The following EFCAB11 variants were observed in gnomAD, a reference collection of about 807,000 sequenced individuals.
The protein encoded by EFCAB11 is EF-hand calcium binding domain 11.
A neutral mutation model predicts 23.0 loss-of-function variants in EFCAB11; 14 were observed. The observed-to-expected ratio is 0.61, with a 90% confidence interval of 0.40 to 0.95. The LOEUF is 0.95. EFCAB11 is among the 40% of genes least tolerant of loss of function. EFCAB11 has a pLI of 0.00. For synonymous variants in EFCAB11, 65 were observed against 66.6 expected, an observed-to-expected ratio of 0.98 and a Z score of 0.11; for missense variants, 198 against 195.8, an observed-to-expected ratio of 1.01 and a Z score of -0.07.
At position 89,873,040 on chromosome 14, in the gene EFCAB11, C is replaced by CTAGTAT. The variant is rs766087728; in HGVS notation, c.410+58495_410+58500dup. ...GCCACTGTATTAGTCTGTTCTCACA[C>CTAGTAT]TAGTATTAGTATTAGTATTAGTCTA... On this transcript the variant is annotated intron_variant, in intron 5 of 5. Transcript: ENST00000316738. Among the ~76,000 whole-genome samples, 34 of 152,130 alleles carry CTAGTAT rather than the reference C, an allele frequency of 2.2e-4. No individual in the cohort carries two copies. The East Asian group carries it at 3.1e-3, about 14-fold the overall frequency.
intron 5 of EFCAB11, among the ~76,000 whole-genome samples, chr14:89,849,306 T>A (rs1033170723): frequency 3.3e-5 from 5 of 152,216 alleles, no homozygotes; most frequent in Non-Finnish European, 7.3e-5. Flanking sequence ...AGTTTAGGCA[T>A]CAGCCATGGG....
At chr14:89,889,533 A>C (rs1036624378) in intron 5 of EFCAB11, among the ~76,000 whole-genome samples, 13 of 152,230 alleles carry the variant, frequency 8.5e-5, no homozygotes, top group Non-Finnish European at 1.8e-4. Context: ...ACCTGACTGC[A>C]ATTCTGCTTA....
chr14:89,935,099 G>A (rs185092224), intron 3 of EFCAB11, among the ~76,000 whole-genome samples: 1 of 152,280 alleles, frequency 6.6e-6, no homozygotes, highest in African/African-American at 2.4e-5. Context: ...TCTCCTGTTT[G>A]AATATGTCTC....
chr14:89,929,060 T>TG (rs1890298667), intron 5 of EFCAB11, among the ~76,000 whole-genome samples: 1 of 133,448 alleles, frequency 7.5e-6, no homozygotes, highest in African/African-American at 3.2e-5. Context: ...CACACATATT[T>TG]TTTTTTAGGA....
chr14:89,908,044 C>T (rs1363886904), intron 5 of EFCAB11, among the ~76,000 whole-genome samples: 1 of 152,186 alleles, frequency 6.6e-6, no homozygotes, highest in East Asian at 1.9e-4. Context: ...CTGGAATAGC[C>T]CCCCAGCTGG....
intron 5 of EFCAB11, among the ~76,000 whole-genome samples, chr14:89,912,971 A>G (rs994888808): frequency 6.6e-6 from 1 of 152,240 alleles, no homozygotes; most frequent in African/African-American, 2.4e-5. Context: ...CTGTTACTGT[A>G]TAATTATGGA....
intron 5 of EFCAB11, among the ~76,000 whole-genome samples, chr14:89,859,969 G>A (rs944870590): frequency 2.0e-5 from 3 of 152,166 alleles, no homozygotes; most frequent in Non-Finnish European, 4.4e-5. Context: ...TCTAGATGTT[G>A]ATCTCCTCAC....
At chr14:89,863,838 C>A (rs565336993) in intron 5 of EFCAB11, among the ~76,000 whole-genome samples, 1 of 152,200 alleles carries the variant, frequency 6.6e-6, no homozygotes, top group Non-Finnish European at 1.5e-5. Context: ...TTCAATACAG[C>A]CTGTACTAAC....
At chr14:89,858,887 G>A (rs1249686700) in intron 5 of EFCAB11, among the ~76,000 whole-genome samples, 3 of 152,052 alleles carry the variant, frequency 2.0e-5, no homozygotes, top group African/African-American at 7.2e-5. Context: ...ATAAGAGTGG[G>A]TGGTGTGGCA....
At chr14:89,915,138 T>C (rs1313217207) in intron 5 of EFCAB11, among the ~76,000 whole-genome samples, 1 of 152,218 alleles carries the variant, frequency 6.6e-6, no homozygotes, top group African/African-American at 2.4e-5. Flanking sequence ...CACATTATTA[T>C]CATTTGCTCC....
At chr14:89,950,650 T>C (rs1446102555) in intron 2 of EFCAB11, among the ~76,000 whole-genome samples, 1 of 152,178 alleles carries the variant, frequency 6.6e-6, no homozygotes, top group Non-Finnish European at 1.5e-5. Context: ...TTTTCCCCTA[T>C]GCATCTTTAA....
chr14:89,808,402 C>A (rs1886043534), intron 5 of EFCAB11, among the ~76,000 whole-genome samples: 1 of 152,020 alleles, frequency 6.6e-6, no homozygotes, highest in Non-Finnish European at 1.5e-5. Context: ...CTTTAAAATT[C>A]TGTGAAGATA....
chr14:89,941,341 T>A (rs1042315641), intron 3 of EFCAB11, among the ~76,000 whole-genome samples: 6 of 152,166 alleles, frequency 3.9e-5, no homozygotes, highest in African/African-American at 1.4e-4. Context: ...TGACTTCAAC[T>A]CATTGATTCA....
At chr14:89,818,767 T>C (rs959882308) in intron 5 of EFCAB11, among the ~76,000 whole-genome samples, 1 of 152,168 alleles carries the variant, frequency 6.6e-6, no homozygotes, top group Non-Finnish European at 1.5e-5. Context: ...AATACGCACA[T>C]GAAAAGATAT....
At position 89,932,640 on chromosome 14, in the gene EFCAB11, G is replaced by GA. The variant is rs761347716; in HGVS notation, c.218-14dup. The stretch of plus-strand genomic sequence containing the variant: ...TCGAGTAATATACCTAAAAGTTGGG[G>GA]AAAAAACAATTTGTCAAAGATTATT... On this transcript the variant is annotated splice_polypyrimidine_tract_variant and intron_variant, in intron 3 of 5. Transcript: ENST00000316738. 5 of 1,594,682 alleles carry GA rather than the reference G, an allele frequency of 3.1e-6. No individual in the cohort carries two copies. In the African/African-American group the frequency reaches 6.7e-5, roughly 21 times the overall value.
At chr14:89,924,428 A>G in intron 5 of EFCAB11, 2 of 1,341,084 alleles carry the variant, frequency 1.5e-6, no homozygotes, top group Middle Eastern at 2.6e-4. Flanking sequence ...TTCACATTTC[A>G]TCTCATGACT....
chr14:89,834,743 A>G (rs1382299320), intron 5 of EFCAB11, among the ~76,000 whole-genome samples: 1 of 152,236 alleles, frequency 6.6e-6, no homozygotes, highest in African/African-American at 2.4e-5. Flanking sequence ...GGGCAGAAAT[A>G]AAATCACAGT....
chr14:89,870,814 G>T (rs188152634), intron 5 of EFCAB11, among the ~76,000 whole-genome samples: 7 of 149,948 alleles, frequency 4.7e-5, no homozygotes, highest in Non-Finnish European at 1.0e-4. Context: ...GGTGGTGGGC[G>T]CCTGTAGTCT....
intron 5 of EFCAB11, among the ~76,000 whole-genome samples, chr14:89,809,337 A>C (rs1222635465): frequency 6.6e-6 from 1 of 152,170 alleles, no homozygotes; most frequent in East Asian, 1.9e-4. Context: ...TTGGGAAGAA[A>C]CTGCTCTCCC....
Sources: gnomAD v4.1 joint callset for allele counts (sites outside exome capture counted in the v4.1 genomes callset) on GRCh38, gnomAD v4.1.1 for gene constraint, MANE v1.5 for transcripts, NCBI Gene and HGNC (gene_info 2026-07-23, HGNC 2026-07-21) for gene names.